The following NTRK3 variants were observed in gnomAD, a reference collection of about 807,000 sequenced individuals.
The protein encoded by NTRK3 is NT-3 growth factor receptor.
A neutral mutation model predicts 91.7 loss-of-function variants in NTRK3; 24 were observed. The ratio of observed to expected loss-of-function variants is 0.26; its 90% confidence interval spans 0.19 to 0.37. The LOEUF is 0.37. Ranked by LOEUF, NTRK3 falls within the 10% of genes least tolerant of loss-of-function variation. The pLI is 1.00. For synonymous variants in NTRK3, 483 were observed against 404.0 expected (o/e 1.20, Z -2.34); for missense variants, 880 against 1,068.9 (o/e 0.82, Z 2.46).
chr15:87,900,098 C>G (rs760661012), intron 17 of NTRK3, among the ~76,000 whole-genome samples: 2 of 152,256 alleles, frequency 1.3e-5, no homozygotes, highest in Non-Finnish European at 2.9e-5. Flanking sequence ...AGTCCTTTAT[C>G]TTCATTTAAA....
intron 14 of NTRK3, among the ~76,000 whole-genome samples, chr15:87,967,126 G>C (rs1596451454): frequency 6.6e-6 from 1 of 152,180 alleles, no homozygotes; most frequent in South Asian, 2.1e-4. Context: ...AAATATGTTT[G>C]AAGAATGAGT....
At chr15:88,032,864 C>T (rs536939921) in exon 14 of NTRK3, 45 of 1,613,710 alleles carry the variant, frequency 2.8e-5, no homozygotes, top group East Asian at 2.7e-4. Flanking sequence ...TACACGTGTC[C>T]GGCTTGTGGC....
At position 88,126,010 on chromosome 15, in the gene NTRK3, C is replaced by A. The variant is rs990460692; in HGVS notation, c.1396+261G>T. On this transcript the variant is annotated intron_variant, in intron 13 of 18. Coordinates refer to ENST00000394480, the Ensembl canonical transcript of NTRK3. The stretch of plus-strand genomic sequence containing the variant: ...CTTCCTTTCCAAATTATCCTCATTG[C>A]ATAAGCCCTTCTAAGCAATGTTTAT... 2.6e-5 allele frequency among the ~76,000 whole-genome samples: 4 copies of A among 152,200 alleles called. No homozygotes were observed. In the East Asian group the frequency reaches 5.8e-4, roughly 22 times the overall value.
At chr15:88,087,500 G>C (rs1378857363) in intron 13 of NTRK3, among the ~76,000 whole-genome samples, 1 of 152,212 alleles carries the variant, frequency 6.6e-6, no homozygotes, top group Non-Finnish European at 1.5e-5. Context: ...AAGCACTGTT[G>C]CAAGTGGGGA....
intron 14 of NTRK3, chr15:87,978,969 C>G: frequency 5.5e-6 from 2 of 363,712 alleles, no homozygotes; most frequent in Non-Finnish European, 1.0e-5. Context: ...TGGAGCACGG[C>G]TGGACTTCAT....
At chr15:88,196,364 GCACAGTGAAGAAGAGAGAAGT>G (rs2047822274) in intron 3 of NTRK3, among the ~76,000 whole-genome samples, 1 of 150,266 alleles carries the variant, frequency 6.7e-6, no homozygotes, top group Non-Finnish European at 1.5e-5. Flanking sequence ...TGCGACCGAG[GCACAGTGAAGAAGAGAGAAGT>G]CACAGGATGA....
intron 14 of NTRK3, among the ~76,000 whole-genome samples, chr15:87,989,447 G>A (rs1316829561): frequency 4.7e-5 from 7 of 148,136 alleles, no homozygotes; most frequent in South Asian, 2.3e-4. Context: ...GGTGGGAATC[G>A]AACAATGAGA....
In NTRK3 at chr15:87,968,746, C is replaced by A. The variant is rs185472790; in HGVS notation, c.1586-27993G>T. 1.2e-3 allele frequency among the ~76,000 whole-genome samples: 184 copies of A among 152,250 alleles called. 1 individual carries two copies. Among genetic ancestry groups the A allele is most frequent in the African/African-American group, 4.2e-3 (174 of 41,554 alleles). ...TATGCAAAAACAATTAGGAGAGTGACTAAGAGCGTGTTTGTACCATGTGTA... is the reference window on the plus strand; with the variant it reads ...TATGCAAAAACAATTAGGAGAGTGAATAAGAGCGTGTTTGTACCATGTGTA... On this transcript the variant is annotated intron_variant, in intron 14 of 18. Transcript: ENST00000394480.
intron 3 of NTRK3, among the ~76,000 whole-genome samples, chr15:88,207,494 C>T (rs1020653268): frequency 2.6e-5 from 4 of 152,230 alleles, no homozygotes; most frequent in African/African-American, 9.6e-5. Flanking sequence ...ACACAGCTGT[C>T]CTGTTGAAGC....
chr15:87,961,375 C>T (rs1242206898), intron 14 of NTRK3, among the ~76,000 whole-genome samples: 2 of 152,244 alleles, frequency 1.3e-5, no homozygotes, highest in Admixed American at 6.5e-5. Flanking sequence ...CCCTAAAAAA[C>T]TCAAGCTAGC....
At chr15:88,088,985 T>C (rs570780528) in intron 13 of NTRK3, among the ~76,000 whole-genome samples, 2 of 152,262 alleles carry the variant, frequency 1.3e-5, no homozygotes, top group East Asian at 3.9e-4. Context: ...CTGTACTGAA[T>C]ATAGTTCCTG....
chr15:87,976,298 G>C (rs1207191110), intron 14 of NTRK3, among the ~76,000 whole-genome samples: 1 of 152,070 alleles, frequency 6.6e-6, no homozygotes, highest in South Asian at 2.1e-4. Flanking sequence ...TTGGCATAAG[G>C]GGGTCTCAAA....
At chr15:87,932,310 T>C (rs2068871078) in intron 16 of NTRK3, among the ~76,000 whole-genome samples, 1 of 152,220 alleles carries the variant, frequency 6.6e-6, no homozygotes. Flanking sequence ...ACATTTATAC[T>C]GTGCTTCCCT....
At chr15:88,129,115 C>A (rs184840510) in intron 10 of NTRK3, among the ~76,000 whole-genome samples, 2 of 152,190 alleles carry the variant, frequency 1.3e-5, no homozygotes, top group Non-Finnish European at 2.9e-5. Flanking sequence ...CTCCCCTAGA[C>A]ATTCTTTGAA....
chr15:88,145,551 A>C (rs1275753532), intron 6 of NTRK3, among the ~76,000 whole-genome samples: 1 of 152,144 alleles, frequency 6.6e-6, no homozygotes, highest in African/African-American at 2.4e-5. Flanking sequence ...GAAATCTGAC[A>C]TTTTCTTTAA....
At chr15:88,115,246 C>T (rs984572544) in intron 13 of NTRK3, among the ~76,000 whole-genome samples, 2 of 152,254 alleles carry the variant, frequency 1.3e-5, no homozygotes, top group African/African-American at 4.8e-5. Flanking sequence ...AAGCAGCACA[C>T]ACAGCTCCCT....
exon 19 of NTRK3, chr15:87,871,354 A>C (rs2064823865): frequency 4.3e-6 from 1 of 231,516 alleles, no homozygotes; most frequent in Non-Finnish European, 8.6e-6. Flanking sequence ...AAAAGTTCTA[A>C]TACCCAATGC....
rs79245751 is a variant in NTRK3, at chr15:88,151,702, T to C, written c.396-4299A>G. Among the ~76,000 whole-genome samples the C allele has an allele frequency of 4.3e-3, 649 of 152,268 alleles. 2 individuals carry two copies. The highest frequency in any genetic ancestry group is 0.015 in the African/African-American group (627 of 41,552). On this transcript the variant is annotated intron_variant, in intron 5 of 18. Transcript: ENST00000394480. Reference sequence around the variant, plus strand: ...GAGACATTAAGCCCCATCCAAAAAGTGGTCCTGAAGATGGAAGGATTTGTG... The same window carrying C: ...GAGACATTAAGCCCCATCCAAAAAGCGGTCCTGAAGATGGAAGGATTTGTG...
chr15:87,982,681 G>C (rs539307917), intron 14 of NTRK3, among the ~76,000 whole-genome samples: 24 of 152,322 alleles, frequency 1.6e-4, no homozygotes, highest in African/African-American at 5.5e-4. Context: ...GATTGGATGA[G>C]AGGTTCTGGA....
Sources: allele counts gnomAD v4.1 joint callset (sites outside exome capture counted in the v4.1 genomes callset), GRCh38; gene constraint gnomAD v4.1.1; transcripts MANE v1.5; gene names NCBI Gene and HGNC (gene_info 2026-07-23, HGNC 2026-07-21).